MYPN: variants seen among roughly 807,000 people sequenced by gnomAD.
The protein encoded by MYPN is myopalladin.
In MYPN, 63 loss-of-function variants were observed where a neutral mutation model predicts 129.4. The ratio of observed to expected loss-of-function variants is 0.49; its 90% CI spans 0.40 to 0.60. The LOEUF (loss-of-function observed/expected upper bound fraction) is 0.60. Among genes scored for constraint, MYPN ranks in the 20% least tolerant of loss-of-function variants. The probability of loss-of-function intolerance (pLI) is 0.00; values close to 1 mark genes in which losing one functional copy is unlikely to be tolerated. For synonymous variants in MYPN, 629 were observed against 600.9 expected (o/e 1.05, Z -0.68); for missense variants, 1,596 against 1,635.4 (o/e 0.98, Z 0.42).
At chr10:68,165,483 G>A (rs1206081810) in intron 8 of MYPN, 1 of 638,626 alleles carries the variant, frequency 1.6e-6, no homozygotes, top group Non-Finnish European at 2.9e-6. Context: ...GTCAGTACTT[G>A]GCCTGTCTGC....
chr10:68,195,534 T>C lies in MYPN; in HGVS notation c.3158+2T>C. 1 of 1,613,380 alleles carries C rather than the reference T, an allele frequency of 6.2e-7. No homozygotes were observed. Among genetic ancestry groups the C allele is most frequent in the Non-Finnish European group, 8.5e-7 (1 of 1,179,378 alleles). ...AACCTCTGCTGGTCAGTCTCACAGGTAAAGACAGTAAGAATTCCCCCTCTC... is the reference window on the plus strand; with the variant it reads ...AACCTCTGCTGGTCAGTCTCACAGGCAAAGACAGTAAGAATTCCCCCTCTC... On this transcript the variant is annotated splice_donor_variant, in intron 15 of 19. Coordinates refer to ENST00000358913, the MANE Select transcript of MYPN (RefSeq NM_032578.4). LOFTEE classifies it high-confidence loss of function.
intron 1 of MYPN, among the ~76,000 whole-genome samples, chr10:68,100,056 G>A (rs1295744557): frequency 1.3e-5 from 2 of 152,128 alleles, no homozygotes; most frequent in Admixed American, 6.6e-5. Flanking sequence ...TAATGATATA[G>A]TATACCTTGG....
intron 10 of MYPN, among the ~76,000 whole-genome samples, chr10:68,169,133 C>A (rs1395431092): frequency 1.4e-5 from 2 of 140,160 alleles, no homozygotes; most frequent in African/African-American, 5.6e-5. Context: ...ATCACGAGTT[C>A]AGGAGATCGA....
At chr10:68,107,026 A>G (rs907098743), upstream of MYPN, among the ~76,000 whole-genome samples, 6 of 152,228 alleles carry the variant, frequency 3.9e-5, no homozygotes, top group Non-Finnish European at 5.9e-5. Context: ...TTTTTGTATC[A>G]ATAAACTCTG....
intron 2 of MYPN, among the ~76,000 whole-genome samples, chr10:68,141,262 G>A (rs369277945): frequency 2.7e-4 from 41 of 152,180 alleles, no homozygotes; most frequent in Admixed American, 1.4e-3. Flanking sequence ...CCTGCTACTC[G>A]GGAGGCTGAG....
intron 13 of MYPN, among the ~76,000 whole-genome samples, chr10:68,190,661 C>T (rs2043496044): frequency 6.6e-6 from 1 of 152,016 alleles, no homozygotes; most frequent in Non-Finnish European, 1.5e-5. Flanking sequence ...TAATTGTTTC[C>T]TTTGCTGAGC....
At chr10:68,170,821 G>A (rs1363761267) in intron 10 of MYPN, among the ~76,000 whole-genome samples, 2 of 152,116 alleles carry the variant, frequency 1.3e-5, no homozygotes, top group Non-Finnish European at 2.9e-5. Flanking sequence ...ATTTTAATGT[G>A]CAGCCAGTTT....
At chr10:68,203,329 C>T (rs976405644) in intron 18 of MYPN, among the ~76,000 whole-genome samples, 1 of 152,112 alleles carries the variant, frequency 6.6e-6, no homozygotes, top group African/African-American at 2.4e-5. Flanking sequence ...TGGCTCATGC[C>T]TGTAATCCCA....
chr10:68,137,356 G>C (rs892065116), intron 2 of MYPN, among the ~76,000 whole-genome samples: 2 of 152,136 alleles, frequency 1.3e-5, no homozygotes, highest in Non-Finnish European at 2.9e-5. Flanking sequence ...AACAGGAGGA[G>C]TATTTTAATA....
chr10:68,114,996 C>T (rs191989802), intron 1 of MYPN, among the ~76,000 whole-genome samples: 174 of 152,170 alleles, frequency 1.1e-3, no homozygotes, highest in East Asian at 3.7e-3. Context: ...TGGTGGCTCA[C>T]GCCTGTAATC....
chr10:68,150,196 T>C, intron 6 of MYPN, 85 bp downstream of exon 6: 1 of 1,248,238 alleles, frequency 8.0e-7, no homozygotes, highest in Non-Finnish European at 1.2e-6. Flanking sequence ...TATTCATTTT[T>C]ATCTCAGGAT....
At position 68,166,611 on chromosome 10, in the gene MYPN, C is replaced by T. The variant is rs908222513; in HGVS notation, c.1918C>T (p.Pro640Ser). The change falls in exon 10 of 20, where the codon CCA (proline) becomes TCA (serine). Residue 640 changes from proline to serine, a missense_variant. Physicochemically the swap from Pro to Ser is moderately conservative, Grantham distance 74. Coordinates refer to ENST00000358913, the MANE Select transcript of MYPN (RefSeq NM_032578.4). ...ERFNGQATKT[P>S]EPSSPVKEPP... ...GTTCAACGGACAGGCAACAAAAACCCCAGAGCCTTCTTCCCCCGTGAAAGA... is the reference window on the plus strand; with the variant it reads ...GTTCAACGGACAGGCAACAAAAACCTCAGAGCCTTCTTCCCCCGTGAAAGA... 6.8e-6 allele frequency: 11 copies of T among 1,613,982 alleles called. No homozygotes were observed. Among genetic ancestry groups the T allele is most frequent in the African/African-American group, 1.3e-5 (1 of 74,900 alleles).
At chr10:68,194,610 G>A (rs1564694447) in intron 14 of MYPN, 98 bp downstream of exon 14, 1 of 1,358,424 alleles carries the variant, frequency 7.4e-7, no homozygotes, top group Non-Finnish European at 1.0e-6. Flanking sequence ...ACTAAGGATT[G>A]CTGAGGAAAA....
chr10:68,136,772 T>C (rs1017182314), intron 2 of MYPN: 3 of 1,513,278 alleles, frequency 2.0e-6, no homozygotes, highest in Middle Eastern at 3.4e-4. Context: ...TAGATAATCC[T>C]ATAATGTTTG....
upstream of MYPN, chr10:68,106,542 G>C (rs755159830): frequency 1.5e-6 from 1 of 667,692 alleles, no homozygotes; most frequent in Non-Finnish European, 2.7e-6. Flanking sequence ...CGGCATAGAG[G>C]TTTTGTTTAG....
intron 6 of MYPN, among the ~76,000 whole-genome samples, chr10:68,151,994 A>G (rs2042778666): frequency 6.6e-6 from 1 of 152,210 alleles, no homozygotes; most frequent in Non-Finnish European, 1.5e-5. Context: ...TTAGGGAGAC[A>G]TGAGACATCA....
chr10:68,150,201 C>A, intron 6 of MYPN, 90 bp downstream of exon 6: 2 of 1,207,856 alleles, frequency 1.7e-6, no homozygotes, highest in Non-Finnish European at 2.4e-6. Flanking sequence ...ATTTTTATCT[C>A]AGGATTTGGT....
rs1410465560 is a variant in MYPN at position 68,131,081 on chromosome 10, A to G, written c.902+8741A>G. 9.2e-5 allele frequency among the ~76,000 whole-genome samples: 14 copies of G among 152,250 alleles called. No homozygotes were observed. In the South Asian group the frequency reaches 2.9e-3, roughly 32 times the overall value. On this transcript the variant is annotated intron_variant, in intron 2 of 19. Coordinates refer to ENST00000358913, the MANE Select transcript of MYPN (RefSeq NM_032578.4). ...TTGCCCTTATAATATAAATTTTGGA[A>G]TCCTCTTACCAAGTTTTAAAATCTA... is the stretch of plus-strand genomic sequence containing the variant.
intron 2 of MYPN, among the ~76,000 whole-genome samples, chr10:68,131,550 G>A (rs951195066): frequency 6.6e-6 from 1 of 152,050 alleles, no homozygotes; most frequent in Non-Finnish European, 1.5e-5. Flanking sequence ...TTTAATTTCT[G>A]TCACCCAGGA....
Sources: gnomAD v4.1 joint callset for allele counts (sites outside exome capture counted in the v4.1 genomes callset) on GRCh38, gnomAD v4.1.1 for gene constraint, MANE v1.5 for transcripts, NCBI Gene and HGNC (gene_info 2026-07-23, HGNC 2026-07-21) for gene names.